The following FSTL5 variants were observed in gnomAD, a reference collection of about 807,000 sequenced individuals.
FSTL5 encodes follistatin-related protein 5.
FSTL5 carries 62 observed loss-of-function variants against 89.1 expected under a neutral mutation model. The observed-to-expected ratio is 0.70, with a 90% CI of 0.57 to 0.86. The LOEUF is 0.86. Among genes scored for constraint, FSTL5 ranks in the 40% least tolerant of loss-of-function variants. FSTL5 has a pLI of 0.00. For synonymous variants in FSTL5, 383 were observed against 346.2 expected, an observed-to-expected ratio of 1.11 and a Z score of -1.18; for missense variants, 1,057 against 1,001.6, an observed-to-expected ratio of 1.06 and a Z score of -0.75.
chr4:161,624,189 G>A (rs1735231986), intron 7 of FSTL5, among the ~76,000 whole-genome samples: 1 of 151,996 alleles, frequency 6.6e-6, no homozygotes, highest in Non-Finnish European at 1.5e-5. Flanking sequence ...CTACCAAATT[G>A]AAGTGTGGAC....
intron 7 of FSTL5, among the ~76,000 whole-genome samples, chr4:161,652,131 T>A (rs1206320599): frequency 1.3e-5 from 2 of 152,096 alleles, no homozygotes; most frequent in Non-Finnish European, 1.5e-5. Context: ...AACAGTTAAG[T>A]ATCTCTTTTA....
At chr4:162,133,973 A>C (rs1732420349) in intron 1 of FSTL5, among the ~76,000 whole-genome samples, 2 of 152,134 alleles carry the variant, frequency 1.3e-5, no homozygotes, top group South Asian at 4.1e-4. Flanking sequence ...AAGGGCAATT[A>C]ATCTTAGCAC....
chr4:161,681,283 T>A (rs755413681), intron 6 of FSTL5, among the ~76,000 whole-genome samples: 6 of 151,946 alleles, frequency 3.9e-5, no homozygotes, highest in Non-Finnish European at 8.8e-5. Context: ...AAAAGGGAAA[T>A]CAAAAGAAAA....
chr4:161,587,182 G>A (rs1054694749), intron 8 of FSTL5, among the ~76,000 whole-genome samples: 2 of 151,324 alleles, frequency 1.3e-5, no homozygotes, highest in Non-Finnish European at 2.9e-5. Flanking sequence ...TATTCTAAAC[G>A]AAAAAATAAT....
chr4:161,780,057 G>C (rs1156649031), intron 4 of FSTL5, among the ~76,000 whole-genome samples: 1 of 148,462 alleles, frequency 6.7e-6, no homozygotes, highest in South Asian at 2.1e-4. Context: ...TATGTCCCTC[G>C]GAGTCCTTCA....
intron 4 of FSTL5, among the ~76,000 whole-genome samples, chr4:161,891,061 C>A (rs1042606392): frequency 1.1e-5 from 1 of 89,554 alleles, no homozygotes; most frequent in African/African-American, 3.7e-5. Context: ...TTCTCGAATT[C>A]TTTTAATCAA....
chr4:161,632,672 T>G (rs1211053167), intron 7 of FSTL5, among the ~76,000 whole-genome samples: 1 of 150,536 alleles, frequency 6.6e-6, no homozygotes, highest in Non-Finnish European at 1.5e-5. Context: ...AAGAAAGAGT[T>G]TTTTATTGAT....
intron 3 of FSTL5, among the ~76,000 whole-genome samples, chr4:161,945,778 T>C (rs1283695420): frequency 6.6e-6 from 1 of 151,994 alleles, no homozygotes; most frequent in East Asian, 1.9e-4. Flanking sequence ...AGGAATACAT[T>C]CAATGTGTTG....
At chr4:161,585,972 G>C (rs79862286) in intron 8 of FSTL5, among the ~76,000 whole-genome samples, 10,070 of 152,186 alleles carry the variant, frequency 0.066, 763 homozygotes, top group African/African-American at 0.18. Flanking sequence ...ATTATGTCTA[G>C]ATACCAACTG....
chr4:161,598,876 T>A (rs929217841), intron 7 of FSTL5, among the ~76,000 whole-genome samples: 2 of 152,140 alleles, frequency 1.3e-5, no homozygotes, highest in Non-Finnish European at 2.9e-5. Flanking sequence ...GAACTTTAAA[T>A]CTTTTCATAT....
At chr4:161,566,162 A>C in intron 8 of FSTL5, among the ~76,000 whole-genome samples, 1 of 138,492 alleles carries the variant, frequency 7.2e-6, no homozygotes, top group African/African-American at 2.7e-5. Context: ...ACACCGTGGA[A>C]TGCTCCTCAG....
At chr4:161,763,710 C>G (rs1197205858) in intron 5 of FSTL5, among the ~76,000 whole-genome samples, 4 of 152,134 alleles carry the variant, frequency 2.6e-5, no homozygotes, top group Admixed American at 2.6e-4. Flanking sequence ...TTTTCCCAAA[C>G]TAATCATGAT....
intron 4 of FSTL5, among the ~76,000 whole-genome samples, chr4:161,843,353 G>A (rs1313229456): frequency 1.3e-5 from 2 of 152,106 alleles, no homozygotes; most frequent in African/African-American, 4.8e-5. Context: ...ATTACTTCGG[G>A]CAGTATGGCC....
At chr4:161,487,534 A>G (rs1560919525) in intron 12 of FSTL5, among the ~76,000 whole-genome samples, 1 of 152,096 alleles carries the variant, frequency 6.6e-6, no homozygotes, top group Non-Finnish European at 1.5e-5. Context: ...CAGTTTGGGT[A>G]TTGTCAAATT....
chr4:162,004,108 C>A (rs1213681770), intron 3 of FSTL5, among the ~76,000 whole-genome samples: 1 of 152,060 alleles, frequency 6.6e-6, no homozygotes, highest in African/African-American at 2.4e-5. Context: ...ATGAATATTT[C>A]TATTATTTTC....
intron 6 of FSTL5, among the ~76,000 whole-genome samples, chr4:161,744,761 C>G (rs1740137875): frequency 6.6e-6 from 1 of 151,678 alleles, no homozygotes; most frequent in African/African-American, 2.4e-5. Flanking sequence ...TCGGTTCAAA[C>G]TAACACTTTT....
At chr4:161,950,548 T>C in intron 3 of FSTL5, among the ~76,000 whole-genome samples, 1 of 152,174 alleles carries the variant, frequency 6.6e-6, no homozygotes. Context: ...TCATCTGCTG[T>C]GGCACAGCCT....
intron 4 of FSTL5, among the ~76,000 whole-genome samples, chr4:161,833,228 G>A (rs945599502): frequency 8.6e-5 from 13 of 152,024 alleles, no homozygotes; most frequent in African/African-American, 2.9e-4. Context: ...TAGTTTGATT[G>A]CACTGTGGTC....
intron 7 of FSTL5, among the ~76,000 whole-genome samples, chr4:161,617,988 T>G (rs778368202): frequency 6.6e-6 from 1 of 152,200 alleles, no homozygotes. Flanking sequence ...TTGTATCCTC[T>G]TTTATTTCAT....
Sources: gnomAD v4.1 joint callset for allele counts (sites outside exome capture counted in the v4.1 genomes callset) on GRCh38, gnomAD v4.1.1 for gene constraint, MANE v1.5 for transcripts, NCBI Gene and HGNC (gene_info 2026-07-23, HGNC 2026-07-21) for gene names.